Variants in BRMS1L observed in about 807,000 individuals in gnomAD.
BRMS1L encodes the protein BRMS1 like transcriptional repressor.
In BRMS1L, 23 loss-of-function variants were observed where a neutral mutation model predicts 50.3. That is an observed-to-expected ratio of 0.46 (90% CI 0.33 to 0.65). The LOEUF is 0.65. Ranked by LOEUF, BRMS1L falls within the 30% of genes least tolerant of loss-of-function variation. The pLI, the probability that BRMS1L is intolerant of heterozygous loss-of-function variation, is 0.02. For missense variants in BRMS1L, 286 were observed against 386.1 expected (o/e 0.74, Z 2.17); for synonymous variants, 114 against 126.9 (o/e 0.90, Z 0.69).
chr14:35,863,091 A>G lies in BRMS1L; in HGVS notation c.538+405A>G, dbSNP rs147244845. ...GCGCCACTGCACTCCAGACTGGGCA[A>G]TCTTGTCTCCAAAAAAAAAAAGAAT... is the stretch of plus-strand genomic sequence containing the variant. On this transcript the variant is annotated intron_variant, in intron 5 of 9. Transcript: ENST00000216807. Among the ~76,000 whole-genome samples the G allele has an allele frequency of 5.4e-3, 820 of 152,102 alleles. 14 individuals are homozygous for G. Among genetic ancestry groups the G allele is most frequent in the Admixed American group, 0.031 (468 of 15,296 alleles).
chr14:35,833,098 G>T lies in BRMS1L; in HGVS notation c.354G>T (p.Lys118Asn), dbSNP rs1213423299. 1 of 1,611,068 alleles carries T rather than the reference G, an allele frequency of 6.2e-7. No homozygotes were observed. Among genetic ancestry groups the T allele is most frequent in the South Asian group, 1.1e-5 (1 of 90,722 alleles). Residue 118 changes from lysine to asparagine, a missense_variant, in exon 3 of 10, where the codon AAG becomes AAT. This residue lies in a region of BRMS1L where 160 missense variants were observed against 240.6 expected (regional missense o/e 0.66). Coordinates refer to ENST00000216807, the MANE Select transcript of BRMS1L (RefSeq NM_032352.4). ...AGGAAAATATGCAAATTCGTACAAA[G>T]GTAGCAGGTAGGAAAGTGAAGAATC... ...TLQENMQIRT[K>N]VAGIYRELCL...
chr14:35,865,550 A>G (rs1027741935), intron 7 of BRMS1L, among the ~76,000 whole-genome samples, 172 bp from the exon 8 acceptor site: 1 of 152,090 alleles, frequency 6.6e-6, no homozygotes, highest in Non-Finnish European at 1.5e-5. Context: ...TATCCCTCAT[A>G]TTCTTTATGG....
At chr14:35,850,518 CTG>C (rs2078197805) in intron 4 of BRMS1L, among the ~76,000 whole-genome samples, 1 of 152,172 alleles carries the variant, frequency 6.6e-6, no homozygotes, top group Non-Finnish European at 1.5e-5. Flanking sequence ...CCTTTTCACT[CTG>C]TTGTTTTCAT....
chr14:35,869,203 G>C (rs549040118), intron 9 of BRMS1L, among the ~76,000 whole-genome samples: 1 of 152,190 alleles, frequency 6.6e-6, no homozygotes, highest in East Asian at 1.9e-4. Context: ...GGATTCTTCT[G>C]TTTATGTTAT....
chr14:35,860,817 A>G (rs572879875), intron 4 of BRMS1L, among the ~76,000 whole-genome samples: 26 of 152,352 alleles, frequency 1.7e-4, no homozygotes, highest in African/African-American at 6.0e-4. Context: ...GAGAAACAGC[A>G]TAGGCGTCAG....
At chr14:35,860,593 A>C (rs868686333) in intron 4 of BRMS1L, among the ~76,000 whole-genome samples, 1 of 152,108 alleles carries the variant, frequency 6.6e-6, no homozygotes, top group Non-Finnish European at 1.5e-5. Flanking sequence ...AAAAAAAAAA[A>C]AAAACTATTG....
At chr14:35,826,788 C>T (rs958244996) in intron 1 of BRMS1L, 130 bp downstream of exon 1, 2 of 1,315,068 alleles carry the variant, frequency 1.5e-6, no homozygotes, top group East Asian at 2.5e-5. Context: ...GAGACTGGCT[C>T]TGGGCCCTGG....
chr14:35,832,738 AATTTT>A (rs1402667268), intron 2 of BRMS1L, among the ~76,000 whole-genome samples: 11 of 152,154 alleles, frequency 7.2e-5, no homozygotes, highest in Non-Finnish European at 1.6e-4. Flanking sequence ...TAGTTATTTC[AATTTT>A]ATTTTTTTGT....
chr14:35,869,881 GAAT>G (rs890018525), intron 9 of BRMS1L, among the ~76,000 whole-genome samples: 8 of 151,810 alleles, frequency 5.3e-5, no homozygotes, highest in Non-Finnish European at 1.2e-4. Context: ...ATTAAAAAAA[GAAT>G]AAAATACAAA....
At chr14:35,842,345 T>C (rs2078078133) in intron 4 of BRMS1L, among the ~76,000 whole-genome samples, 1 of 152,202 alleles carries the variant, frequency 6.6e-6, no homozygotes, top group African/African-American at 2.4e-5. Context: ...TAGTGCTTCC[T>C]TCAGGAGCTC....
At chr14:35,838,794 C>A (rs972197178) in intron 4 of BRMS1L, among the ~76,000 whole-genome samples, 3 of 152,080 alleles carry the variant, frequency 2.0e-5, no homozygotes, top group Admixed American at 6.6e-5. Context: ...GGATAGATTG[C>A]AAAAATTTTC....
intron 7 of BRMS1L, 93 bp from the exon 8 acceptor site, chr14:35,865,629 C>A: frequency 1.1e-6 from 1 of 931,822 alleles, no homozygotes; most frequent in Non-Finnish European, 1.6e-6. Context: ...TGGAGTTAAT[C>A]GGTAATATTG....
At chr14:35,862,874 G>A (rs994310201) in intron 5 of BRMS1L, among the ~76,000 whole-genome samples, 188 bp downstream of exon 5, 3 of 152,186 alleles carry the variant, frequency 2.0e-5, no homozygotes, top group Non-Finnish European at 4.4e-5. Context: ...TCACACTTTA[G>A]AAAGATGTAA....
rs1346450201 is a variant in BRMS1L at position 35,871,147 on chromosome 14, T to C, written c.*670T>C. On this transcript the variant is annotated 3_prime_UTR_variant, in exon 10 of 10. Coordinates refer to ENST00000216807, the MANE Select transcript of BRMS1L (RefSeq NM_032352.4). Reference sequence around the variant, plus strand: ...TACAAATTATACCTAATGAGTAAAATTAGTGTAAAGTGATAACATGCTTCT... The same window carrying C: ...TACAAATTATACCTAATGAGTAAAACTAGTGTAAAGTGATAACATGCTTCT... 1 of 152,620 alleles carries C rather than the reference T, an allele frequency of 6.6e-6. No homozygotes were observed. Among genetic ancestry groups the C allele is most frequent in the African/African-American group, 2.4e-5 (1 of 41,456 alleles). 9.5% of individuals were successfully genotyped at this position (152,620 alleles called of 1,614,324 possible).
intron 5 of BRMS1L, among the ~76,000 whole-genome samples, chr14:35,862,908 C>T (rs140269849): frequency 1.5e-3 from 235 of 152,214 alleles, no homozygotes; most frequent in African/African-American, 5.2e-3. Flanking sequence ...CGACAAGGGA[C>T]GAAACAGAAG....
At chr14:35,830,078 C>A (rs1047809083) in intron 1 of BRMS1L, among the ~76,000 whole-genome samples, 1 of 151,256 alleles carries the variant, frequency 6.6e-6, no homozygotes, top group African/African-American at 2.4e-5. Context: ...CTTTTTTTTT[C>A]CTTTTTTTGA....
At chr14:35,832,354 A>C (rs1362183997) in intron 2 of BRMS1L, among the ~76,000 whole-genome samples, 1 of 151,166 alleles carries the variant, frequency 6.6e-6, no homozygotes, top group Non-Finnish European at 1.5e-5. Flanking sequence ...AAATACAAAA[A>C]AAAAAAAAAA....
At position 35,863,854 on chromosome 14, in the gene BRMS1L, T is replaced by C. The variant is rs752742950; in HGVS notation, c.539-16T>C. The C allele has an allele frequency of 1.4e-5, 23 of 1,609,622 alleles. No homozygotes were observed. In the South Asian group the frequency reaches 2.5e-4, roughly 18 times the overall value. On this transcript the variant is annotated splice_polypyrimidine_tract_variant and intron_variant, in intron 5 of 9. Coordinates refer to ENST00000216807, the MANE Select transcript of BRMS1L (RefSeq NM_032352.4). ...ACCAGAAACCCACTAATACTTAATC[T>C]TTATTTACCTGCCAGAGCTGTGGAA...
chr14:35,834,836 G>C lies in BRMS1L; in HGVS notation c.362-8G>C, dbSNP rs1489440930. 2.6e-6 allele frequency: 4 copies of C among 1,533,008 alleles called. No homozygotes were observed. In the African/African-American group the frequency reaches 5.5e-5, roughly 21 times the overall value. The allele number at this position is 1,533,008 out of a possible 1,614,324, so 95.0% of individuals were successfully genotyped here. A position where few individuals can be genotyped will look rare whatever the true frequency, so the allele number is the denominator to read the frequency against. ...TAACATAATCAGAGTAATTGTGTTT[G>C]GTTGCAGGAATCTATAGAGAGCTCT... On this transcript the variant is annotated splice_polypyrimidine_tract_variant and splice_region_variant and intron_variant, in intron 3 of 9. Coordinates refer to ENST00000216807, the MANE Select transcript of BRMS1L (RefSeq NM_032352.4).
Sources: gnomAD v4.1 joint callset for allele counts (sites outside exome capture counted in the v4.1 genomes callset) on GRCh38, gnomAD v4.1.1 for gene constraint, gnomAD v4.1.1 regional missense constraint, MANE v1.5 for transcripts, NCBI Gene and HGNC (gene_info 2026-07-23, HGNC 2026-07-21) for gene names.